ZNF23: variants seen among roughly 807,000 people sequenced by gnomAD.
ZNF23 encodes zinc finger protein 23.
In ZNF23, 48 loss-of-function variants were observed where a neutral mutation model predicts 56.2. That is an observed-to-expected ratio of 0.85 (90% confidence interval 0.68 to 1.09). ZNF23 has a LOEUF of 1.09. ZNF23 is among the 50% of genes least tolerant of loss of function. ZNF23 has a pLI of 0.00. For synonymous variants in ZNF23, 266 were observed against 283.3 expected, an observed-to-expected ratio of 0.94 and a Z score of 0.61; for missense variants, 805 against 811.4, an observed-to-expected ratio of 0.99 and a Z score of 0.10.
chr16:71,456,815 G>T lies in ZNF23; in HGVS notation c.-19C>A. ...CTGCCATCCCCTGGTCCCCGTCTCAGAGAAGGGCTGGAGCTAAGGAGAAAC... is the reference window on the plus strand; with the variant it reads ...CTGCCATCCCCTGGTCCCCGTCTCATAGAAGGGCTGGAGCTAAGGAGAAAC... On this transcript the variant is annotated 5_prime_UTR_variant, in exon 2 of 5. The change creates a new upstream start codon in the 5' untranslated region. Coordinates refer to ENST00000647773, the MANE Select transcript of ZNF23 (RefSeq NM_001381984.1). 1 of 985,544 alleles carries T rather than the reference G, an allele frequency of 1.0e-6. No individual in the cohort carries two copies. 61.0% of individuals were successfully genotyped at this position (985,544 alleles called of 1,614,324 possible).
intron 1 of ZNF23, among the ~76,000 whole-genome samples, chr16:71,459,464 A>C (rs1290344535): frequency 1.3e-5 from 2 of 152,202 alleles, no homozygotes; most frequent in Non-Finnish European, 2.9e-5. Flanking sequence ...TTCCTAAATA[A>C]ATTCCTACAT....
At chr16:71,449,946 C>A (rs1168847306) in intron 4 of ZNF23, 61 bp from the exon 5 acceptor site, 1 of 1,381,384 alleles carries the variant, frequency 7.2e-7, no homozygotes, top group African/African-American at 1.5e-5. Flanking sequence ...AAGAAGAGAA[C>A]TGTGCTATAA....
chr16:71,451,823 ATAATT>A (rs1486977186), intron 4 of ZNF23: 3 of 152,224 alleles, frequency 2.0e-5, no homozygotes, highest in Admixed American at 6.5e-5. Flanking sequence ...AACATTGAAT[ATAATT>A]TAATTATTCT....
chr16:71,459,950 A>G (rs2043380571), intron 1 of ZNF23, among the ~76,000 whole-genome samples: 1 of 152,184 alleles, frequency 6.6e-6, no homozygotes, highest in Non-Finnish European at 1.5e-5. Context: ...AACTCTACCA[A>G]TTACATATGT....
chr16:71,455,177 T>C (rs1567562959), intron 2 of ZNF23, among the ~76,000 whole-genome samples: 1 of 152,214 alleles, frequency 6.6e-6, no homozygotes, highest in Non-Finnish European at 1.5e-5. Context: ...CTGCACAAAA[T>C]ATAATGTCTT....
At chr16:71,461,695 T>G (rs1489621613) in intron 1 of ZNF23, 1 of 152,166 alleles carries the variant, frequency 6.6e-6, no homozygotes, top group Non-Finnish European at 1.5e-5. Context: ...GACAATGTCC[T>G]CCAAAAGCCG....
At chr16:71,453,182 A>G in intron 4 of ZNF23, 61 bp downstream of exon 4, 1 of 1,252,842 alleles carries the variant, frequency 8.0e-7, no homozygotes, top group Non-Finnish European at 1.1e-6. Context: ...ATGTTGCTAA[A>G]GCTGGCTTTA....
At chr16:71,454,014 C>T (rs1312421301) in intron 3 of ZNF23, 28 bp downstream of exon 3, 2 of 1,613,826 alleles carry the variant, frequency 1.2e-6, no homozygotes, top group South Asian at 2.2e-5. Flanking sequence ...TTGGCAGATT[C>T]CAGGTTCCCA....
intron 1 of ZNF23, among the ~76,000 whole-genome samples, chr16:71,460,994 T>A (rs546001742): frequency 6.6e-6 from 1 of 152,192 alleles, no homozygotes. Context: ...AAACTTAACA[T>A]TGAATTATGC....
In ZNF23 at chr16:71,448,841, G is replaced by C; in HGVS notation, c.1313C>G (p.Thr438Ser). 6.2e-7 allele frequency: 1 copy of C among 1,614,034 alleles called. No homozygotes were observed. The change falls in exon 5 of 5, where the codon ACT (threonine) becomes AGT (serine). Residue 438 changes from threonine (T) to serine (S), a missense_variant. Coordinates refer to ENST00000647773, the MANE Select transcript of ZNF23 (RefSeq NM_001381984.1). ...GACACTGAAGGCTTTTCCACATTCA[G>C]TGCATTCATAGGGTTTCTCACCTGT... ...IHTGEKPYECTECGKAFSVKG... is the reference protein window; with the variant it reads ...IHTGEKPYECSECGKAFSVKG...
intron 2 of ZNF23, chr16:71,456,130 G>C (rs1163279804): frequency 4.5e-6 from 2 of 446,446 alleles, no homozygotes; most frequent in African/African-American, 2.0e-5. Flanking sequence ...CCCTGAAAAT[G>C]TATGGAAAAT....
intron 4 of ZNF23, chr16:71,452,173 T>G (rs1269881206): frequency 6.6e-6 from 1 of 152,234 alleles, no homozygotes; most frequent in Non-Finnish European, 1.5e-5. Flanking sequence ...CAGGGTCCTT[T>G]GATTAAGACC....
Position 71,448,782 on chromosome 16 carries a change from T to C in ZNF23, c.1372A>G (p.Thr458Ala). 1 of 1,614,258 alleles carries C rather than the reference T, an allele frequency of 6.2e-7. No homozygotes were observed. The highest frequency in any genetic ancestry group is 8.5e-7 in the Non-Finnish European group (1 of 1,180,044). ...GKLIQHQRIH[T>A]GEKPYECNEC... ...TTACACTCATAGGGTTTCTCGCCTG[T>C]GTGAATTCTCTGGTGTTGGATTAAC... The change falls in exon 5 of 5, where the codon ACA (threonine) becomes GCA (alanine). Residue 458 changes from threonine to alanine, a missense_variant. Transcript: ENST00000647773.
rs1276699150 is a variant in ZNF23 at position 71,453,365 on chromosome 16, G to GT, written c.161-16dup. ...AAGTGGAAATCCTGGTTTGGGAGAG[G>GT]TAAATAGGAGAGACAGATGAATAAA... On this transcript the variant is annotated splice_polypyrimidine_tract_variant and intron_variant, in intron 3 of 4. Coordinates refer to ENST00000647773, the MANE Select transcript of ZNF23 (RefSeq NM_001381984.1). The GT allele has an allele frequency of 2.6e-5, 41 of 1,548,478 alleles. No homozygotes were observed. The highest frequency in any genetic ancestry group is 3.5e-5 in the Non-Finnish European group (40 of 1,135,332).
At chr16:71,460,126 C>T (rs1039859659) in intron 1 of ZNF23, among the ~76,000 whole-genome samples, 1 of 152,134 alleles carries the variant, frequency 6.6e-6, no homozygotes, top group African/African-American at 2.4e-5. Flanking sequence ...AAAGTCTCAT[C>T]GTTTAAATGC....
intron 1 of ZNF23, among the ~76,000 whole-genome samples, chr16:71,458,654 A>C (rs2145130347): frequency 6.6e-6 from 1 of 152,234 alleles, no homozygotes; most frequent in South Asian, 2.1e-4. Flanking sequence ...TGCCTTTACA[A>C]GAAGAAGGAG....
Position 71,448,370 on chromosome 16 carries a change from C to A in ZNF23, c.1784G>T (p.Arg595Ile). ...SCSSNYIVHQ[R>I]IHTGEKPFQC... ...AAAGGGTTTCTCTCCTGTATGGATT[C>A]TCTGGTGCACAATATAGTTAGAACT... Residue 595 changes from arginine to isoleucine, a missense_variant, in exon 5 of 5, where the codon AGA (arginine) becomes ATA (isoleucine). Transcript: ENST00000647773. The A allele has an allele frequency of 6.2e-7, 1 of 1,614,082 alleles. No homozygotes were observed. Among genetic ancestry groups the A allele is most frequent in the Non-Finnish European group, 8.5e-7 (1 of 1,180,008 alleles).
Position 71,448,671 on chromosome 16 carries a change from C to G in ZNF23, c.1483G>C (p.Glu495Gln). 5 of 1,614,198 alleles carry G rather than the reference C, an allele frequency of 3.1e-6. No homozygotes were observed. Among genetic ancestry groups the G allele is most frequent in the Non-Finnish European group, 4.2e-6 (5 of 1,180,022 alleles). ...HTGEKPYECN[E>Q]CGKAFSVNGK... ...TTAACGCTGAAGGCCTTTCCACACT[C>G]ATTACACTCATAGGGCTTCTCCCCA... Residue 495 changes from glutamate to glutamine, a missense_variant, in exon 5 of 5, where the codon GAG becomes CAG. Transcript: ENST00000647773.
At position 71,453,294 on chromosome 16, in the gene ZNF23, C is replaced by G. The variant is rs2145093964; in HGVS notation, c.217G>C (p.Gly73Arg). ...ISQLEGGSEL[G>R]GSSPLAAGTG... Reference sequence around the variant, plus strand: ...CCTGCAGCCAGTGGAGATGAGCCCCCCAGCTCACTTCCTCCCTCCAGTTGT... The same window carrying G: ...CCTGCAGCCAGTGGAGATGAGCCCCGCAGCTCACTTCCTCCCTCCAGTTGT... The change falls in exon 4 of 5, where the codon GGG (glycine) becomes CGG (arginine). Residue 73 changes from glycine to arginine, a missense_variant. Physicochemically the swap from Gly to Arg is moderately radical, Grantham distance 125. Transcript: ENST00000647773. The G allele has an allele frequency of 6.8e-6, 11 of 1,608,976 alleles. No individual in the cohort carries two copies. Among genetic ancestry groups the G allele is most frequent in the Non-Finnish European group, 9.3e-6 (11 of 1,177,526 alleles).
Sources: allele counts gnomAD v4.1 joint callset (sites outside exome capture counted in the v4.1 genomes callset), GRCh38; gene constraint gnomAD v4.1.1; transcripts MANE v1.5; gene names NCBI Gene and HGNC (gene_info 2026-07-23, HGNC 2026-07-21).